The following DYNC1I1 variants were observed in gnomAD, a reference collection of about 807,000 sequenced individuals.
DYNC1I1 encodes cytoplasmic dynein 1 intermediate chain 1.
DYNC1I1 carries 43 observed loss-of-function variants against 86.6 expected under a neutral mutation model. That is an observed-to-expected ratio of 0.50 (90% confidence interval 0.39 to 0.64). The LOEUF (loss-of-function observed/expected upper bound fraction) is 0.64, where lower values mean the gene tolerates loss of function less well. Among genes scored for constraint, DYNC1I1 ranks in the 30% least tolerant of loss-of-function variants. The pLI, the probability that DYNC1I1 is intolerant of heterozygous loss-of-function variation, is 0.00. For synonymous variants in DYNC1I1, 262 were observed against 283.7 expected, an observed-to-expected ratio of 0.92 and a Z score of 0.77; for missense variants, 604 against 788.8, an observed-to-expected ratio of 0.77 and a Z score of 2.81.
chr7:96,095,530 C>A (rs1438675731), intron 16 of DYNC1I1, among the ~76,000 whole-genome samples: 1 of 151,898 alleles, frequency 6.6e-6, no homozygotes, highest in Non-Finnish European at 1.5e-5. Context: ...ATTTTTTTCT[C>A]CAATATTTAA....
In DYNC1I1 at chr7:96,067,890, AAGAG is replaced by A. The variant is rs536835955; in HGVS notation, c.1510-8157_1510-8154del. On this transcript the variant is annotated intron_variant, in intron 14 of 16. Transcript: ENST00000447467. ...TGCAGAGAGAGCATACACACTTAGAAAGAGAGAGAGAGAATGAGAGTAACAAATA... is the reference window on the plus strand; with the variant it reads ...TGCAGAGAGAGCATACACACTTAGAAAGAGAGAGAATGAGAGTAACAAATA... 8.6e-3 allele frequency among the ~76,000 whole-genome samples: 1,303 copies of A among 152,090 alleles called. 14 individuals carry two copies. Among genetic ancestry groups the A allele is most frequent in the African/African-American group, 0.029 (1,220 of 41,530 alleles).
At chr7:95,814,449 G>A (rs1794902551) in intron 4 of DYNC1I1, among the ~76,000 whole-genome samples, 1 of 152,162 alleles carries the variant, frequency 6.6e-6, no homozygotes, top group African/African-American at 2.4e-5. Flanking sequence ...GCTTGTCTGT[G>A]TACCTTTCCA....
chr7:95,943,038 G>C (rs1290075773), intron 6 of DYNC1I1, among the ~76,000 whole-genome samples: 11 of 115,238 alleles, frequency 9.5e-5, no homozygotes, highest in Admixed American at 2.9e-4. Flanking sequence ...TTAGGCAGGA[G>C]AAGGAAATAA....
intron 6 of DYNC1I1, among the ~76,000 whole-genome samples, chr7:95,912,602 T>G (rs1168438481): frequency 6.6e-6 from 1 of 152,198 alleles, no homozygotes; most frequent in African/African-American, 2.4e-5. Flanking sequence ...AGAATGCCCA[T>G]TGAGGCACCT....
At chr7:95,869,119 C>T (rs946200562) in intron 5 of DYNC1I1, among the ~76,000 whole-genome samples, 1 of 152,168 alleles carries the variant, frequency 6.6e-6, no homozygotes, top group Non-Finnish European at 1.5e-5. Context: ...CTATCCTCAT[C>T]TGTAAAATGG....
At chr7:95,924,910 C>T (rs1791703706) in intron 6 of DYNC1I1, among the ~76,000 whole-genome samples, 1 of 152,088 alleles carries the variant, frequency 6.6e-6, no homozygotes, top group Non-Finnish European at 1.5e-5. Flanking sequence ...ATTAGGTGGC[C>T]TTAGCCAAAG....
chr7:96,027,893 A>C (rs1219952260), intron 10 of DYNC1I1, among the ~76,000 whole-genome samples: 1 of 152,196 alleles, frequency 6.6e-6, no homozygotes, highest in Non-Finnish European at 1.5e-5. Flanking sequence ...ACCACAAAAC[A>C]ATGATGTACT....
intron 10 of DYNC1I1, among the ~76,000 whole-genome samples, chr7:96,010,704 A>G (rs1794255500): frequency 6.6e-6 from 1 of 152,156 alleles, no homozygotes; most frequent in Admixed American, 6.6e-5. Flanking sequence ...GGTTAAATCT[A>G]CCTAATCAAA....
At chr7:96,070,697 G>A (rs140838716) in intron 14 of DYNC1I1, among the ~76,000 whole-genome samples, 491 of 152,154 alleles carry the variant, frequency 3.2e-3, no homozygotes, top group African/African-American at 0.011. Flanking sequence ...ATGCAGCCTC[G>A]AGAACCACAA....
At chr7:96,082,410 A>G (rs1291477455) in intron 16 of DYNC1I1, among the ~76,000 whole-genome samples, 4 of 152,292 alleles carry the variant, frequency 2.6e-5, no homozygotes, top group Middle Eastern at 3.4e-3. Flanking sequence ...TCAGAGATAC[A>G]ATGGCAGAAA....
At chr7:95,813,393 ACAG>A in intron 4 of DYNC1I1, 56 bp downstream of exon 4, 1 of 1,512,594 alleles carries the variant, frequency 6.6e-7, no homozygotes, top group Non-Finnish European at 9.0e-7. Flanking sequence ...AAAAAAAAAA[ACAG>A]CAACAACACC....
Position 95,810,430 on chromosome 7 carries a change from C to T in DYNC1I1, c.147C>T (p.Asp49=), listed in dbSNP as rs1794802353. ...AGAAGAAAGAACCCGTTCAGGACGACTCTGATCTGGATCGCAAACGACGAG... is the reference window on the plus strand; with the variant it reads ...AGAAGAAAGAACCCGTTCAGGACGATTCTGATCTGGATCGCAAACGACGAG... The part of the protein sequence containing the change: ...MQQKKEPVQD[D]SDLDRKRRET... The change falls in exon 3 of 17, where the codon GAC becomes GAT. Residue 49 remains aspartate, a synonymous_variant. Coordinates refer to ENST00000447467, the MANE Select transcript of DYNC1I1 (RefSeq NM_001135556.2). The T allele has an allele frequency of 1.2e-6, 2 of 1,613,034 alleles. No individual in the cohort carries two copies. Among genetic ancestry groups the T allele is most frequent in the Non-Finnish European group, 1.7e-6 (2 of 1,179,374 alleles).
At chr7:95,911,389 GAGGTGACAC>G (rs1280725028) in intron 6 of DYNC1I1, among the ~76,000 whole-genome samples, 3 of 152,142 alleles carry the variant, frequency 2.0e-5, no homozygotes, top group African/African-American at 7.2e-5. Flanking sequence ...AGACCCCACA[GAGGTGACAC>G]AGGTGACACT....
chr7:96,058,400 T>C (rs910372283), intron 14 of DYNC1I1, among the ~76,000 whole-genome samples: 3 of 152,208 alleles, frequency 2.0e-5, no homozygotes, highest in African/African-American at 7.2e-5. Context: ...AGAGATGTTT[T>C]GTCCACCTTT....
chr7:95,986,484 G>C (rs1335062995), intron 8 of DYNC1I1, among the ~76,000 whole-genome samples: 1 of 152,126 alleles, frequency 6.6e-6, no homozygotes, highest in Non-Finnish European at 1.5e-5. Context: ...TTGGTCCATG[G>C]CAGAAGTGAT....
intron 6 of DYNC1I1, among the ~76,000 whole-genome samples, chr7:95,892,809 T>A (rs1790779058): frequency 6.6e-6 from 1 of 152,002 alleles, no homozygotes; most frequent in Admixed American, 6.6e-5. Context: ...ACATTAGCAA[T>A]ACAAATGCTA....
chr7:96,028,119 G>T, intron 10 of DYNC1I1, 56 bp from the exon 11 acceptor site: 1 of 1,578,442 alleles, frequency 6.3e-7, no homozygotes, highest in Non-Finnish European at 8.7e-7. Flanking sequence ...GAAGAAACAA[G>T]TCACCTACAA....
chr7:95,939,132 T>G (rs928698762), intron 6 of DYNC1I1, among the ~76,000 whole-genome samples: 1 of 152,220 alleles, frequency 6.6e-6, no homozygotes, highest in Non-Finnish European at 1.5e-5. Context: ...AATCCTGAGT[T>G]CTAGTTTGAT....
At chr7:96,053,660 G>C (rs934150755) in intron 14 of DYNC1I1, among the ~76,000 whole-genome samples, 1 of 151,952 alleles carries the variant, frequency 6.6e-6, no homozygotes, top group Non-Finnish European at 1.5e-5. Flanking sequence ...AGTATGTGTA[G>C]GCATATCTAG....
Sources: gnomAD v4.1 joint callset for allele counts (sites outside exome capture counted in the v4.1 genomes callset) on GRCh38, gnomAD v4.1.1 for gene constraint, MANE v1.5 for transcripts, NCBI Gene and HGNC (gene_info 2026-07-23, HGNC 2026-07-21) for gene names.